Variants in ADORA2B observed in about 807,000 individuals in gnomAD.
ADORA2B encodes adenosine A2b receptor, also known as adenosine receptor A2b.
ADORA2B carries 18 observed loss-of-function variants against 20.8 expected under a neutral mutation model. The observed-to-expected ratio is 0.87, with a 90% CI of 0.60 to 1.29. ADORA2B has a LOEUF of 1.29. Ranked by LOEUF, ADORA2B falls within the 50% of genes most tolerant of loss-of-function variation. ADORA2B has a pLI of 0.00. For missense variants in ADORA2B, 441 were observed against 422.7 expected (o/e 1.04, Z -0.38); for synonymous variants, 179 against 178.3 (o/e 1.00, Z -0.03).
intron 1 of ADORA2B, among the ~76,000 whole-genome samples, chr17:15,972,569 C>A (rs1397648227): frequency 2.6e-5 from 4 of 152,064 alleles, no homozygotes; most frequent in Non-Finnish European, 5.9e-5. Context: ...AAGGTCACTT[C>A]CTTTCTTGGT....
the ADORA2B span, among the ~76,000 whole-genome samples, chr17:15,870,646 G>A: frequency 6.6e-6 from 1 of 151,546 alleles, no homozygotes; most frequent in Non-Finnish European, 1.5e-5. Context: ...GAACACCCAC[G>A]TTGCAGGCAA....
the ADORA2B span, among the ~76,000 whole-genome samples, chr17:15,851,627 G>A: frequency 6.6e-6 from 1 of 152,126 alleles, no homozygotes; most frequent in South Asian, 2.1e-4. Context: ...TCTGAGAAGG[G>A]GCCTGTTTGA....
At chr17:15,942,395 T>C (rs74446463), upstream of ADORA2B, among the ~76,000 whole-genome samples, 4,734 of 152,094 alleles carry the variant, frequency 0.031, 257 homozygotes, top group African/African-American at 0.11. Context: ...CTGAGGCCCC[T>C]TGGAAGCCAA....
At chr17:15,936,607 A>G in the ADORA2B span, among the ~76,000 whole-genome samples, 7 of 152,206 alleles carry the variant, frequency 4.6e-5, no homozygotes, top group African/African-American at 1.7e-4. Context: ...GGCATGAGCC[A>G]CTGCACCTGG....
the ADORA2B span, among the ~76,000 whole-genome samples, chr17:15,868,033 ATTC>A: frequency 3.8e-4 from 56 of 148,204 alleles, 1 homozygote; most frequent in African/African-American, 1.3e-3. Context: ...ACTAAGAAAA[ATTC>A]TTCTGCCTTG....
Position 15,951,246 on chromosome 17 carries a change from CA to C in ADORA2B, c.335+5667del, listed in dbSNP as rs760859602. Among the ~76,000 whole-genome samples, 5 of 152,292 alleles carry C rather than the reference CA, an allele frequency of 3.3e-5. No homozygotes were observed. The East Asian group carries it at 7.7e-4, about 24-fold the overall frequency. On this transcript the variant is annotated intron_variant, in intron 1 of 1. Transcript: ENST00000304222. Reference sequence around the variant, plus strand: ...AAACATCTCTCATGGGCCTAAGGGACAAAAGGGTGGAGAGGAGTGCAGAGGT... The same window carrying C: ...AAACATCTCTCATGGGCCTAAGGGACAAAGGGTGGAGAGGAGTGCAGAGGT...
chr17:15,948,669 T>C (rs1391224060), intron 1 of ADORA2B, among the ~76,000 whole-genome samples: 1 of 152,188 alleles, frequency 6.6e-6, no homozygotes, highest in Non-Finnish European at 1.5e-5. Context: ...GCCAGCTGTT[T>C]TCCTAGTGGA....
chr17:15,917,370 G>C, the ADORA2B span, among the ~76,000 whole-genome samples: 1 of 152,236 alleles, frequency 6.6e-6, no homozygotes, highest in Non-Finnish European at 1.5e-5. Context: ...CGGAGTCTCG[G>C]AGTCTCGAGG....
the ADORA2B span, among the ~76,000 whole-genome samples, chr17:15,905,353 A>G: frequency 6.6e-6 from 1 of 151,874 alleles, no homozygotes. Context: ...CATTTCTGGC[A>G]TATAGGATAA....
At chr17:15,948,875 T>C (rs1969854144) in intron 1 of ADORA2B, among the ~76,000 whole-genome samples, 4 of 151,798 alleles carry the variant, frequency 2.6e-5, no homozygotes, top group African/African-American at 9.7e-5. Flanking sequence ...AGGGTAGGAG[T>C]TGGCGGGGGG....
chr17:15,886,847 C>G, the ADORA2B span, among the ~76,000 whole-genome samples: 2 of 129,608 alleles, frequency 1.5e-5, no homozygotes, highest in South Asian at 4.6e-4. Flanking sequence ...ACAGAAGAAC[C>G]AGAGGCCCCT....
chr17:15,926,854 T>C, the ADORA2B span, among the ~76,000 whole-genome samples: 15 of 152,220 alleles, frequency 9.9e-5, no homozygotes, highest in Non-Finnish European at 2.1e-4. Context: ...ACCTGTGGTC[T>C]CAGCTACTCA....
chr17:15,892,860 T>A, the ADORA2B span, among the ~76,000 whole-genome samples: 3 of 152,142 alleles, frequency 2.0e-5, no homozygotes, highest in Non-Finnish European at 4.4e-5. Flanking sequence ...ATTGATGTCT[T>A]TATGAAATGT....
the ADORA2B span, among the ~76,000 whole-genome samples, chr17:15,875,669 T>C: frequency 6.6e-6 from 1 of 152,206 alleles, no homozygotes; most frequent in East Asian, 1.9e-4. Flanking sequence ...TGCATCCTCC[T>C]ACTCCTGGGT....
At chr17:15,876,327 T>C in the ADORA2B span, among the ~76,000 whole-genome samples, 3 of 152,074 alleles carry the variant, frequency 2.0e-5, no homozygotes, top group African/African-American at 4.8e-5. Context: ...TTGTGACTTT[T>C]TTCTCTCCAA....
the ADORA2B span, among the ~76,000 whole-genome samples, chr17:15,924,017 A>G: frequency 3.3e-5 from 5 of 152,168 alleles, no homozygotes; most frequent in Non-Finnish European, 7.4e-5. Context: ...GGAACAAGCC[A>G]TTCTCCTGCC....
At chr17:15,930,585 C>G in the ADORA2B span, among the ~76,000 whole-genome samples, 1 of 152,108 alleles carries the variant, frequency 6.6e-6, no homozygotes, top group Non-Finnish European at 1.5e-5. Context: ...CGTGAGCCAC[C>G]GTGCCTGGCC....
chr17:15,913,039 G>A, the ADORA2B span, among the ~76,000 whole-genome samples: 1 of 152,226 alleles, frequency 6.6e-6, no homozygotes, highest in East Asian at 1.9e-4. Flanking sequence ...ATTAAATGAG[G>A]TGTCAGGTGA....
intron 1 of ADORA2B, among the ~76,000 whole-genome samples, chr17:15,963,143 C>T (rs948625357): frequency 2.0e-5 from 3 of 152,004 alleles, no homozygotes; most frequent in Admixed American, 6.6e-5. Flanking sequence ...AGAACTCTTG[C>T]TTATAATACA....
Sources: allele counts gnomAD v4.1 joint callset (sites outside exome capture counted in the v4.1 genomes callset), GRCh38; gene constraint gnomAD v4.1.1; transcripts MANE v1.5; gene names NCBI Gene and HGNC (gene_info 2026-07-23, HGNC 2026-07-21).